The following COMT variants were observed in gnomAD, a reference collection of about 807,000 sequenced individuals.
COMT encodes catechol O-methyltransferase.
COMT carries 13 observed loss-of-function variants against 18.9 expected under a neutral mutation model. The observed-to-expected ratio is 0.69, with a 90% confidence interval of 0.45 to 1.09. The LOEUF is 1.09. Ranked by LOEUF, COMT falls within the 50% of genes least tolerant of loss-of-function variation. The probability of loss-of-function intolerance (pLI) is 0.00; values close to 1 mark genes in which losing one functional copy is unlikely to be tolerated. For missense variants in COMT, 329 were observed against 361.8 expected, an observed-to-expected ratio of 0.91 and a Z score of 0.73; for synonymous variants, 150 against 160.9, an observed-to-expected ratio of 0.93 and a Z score of 0.51.
intron 1 of COMT, among the ~76,000 whole-genome samples, chr22:19,942,568 G>A (rs188812064): frequency 6.6e-6 from 1 of 152,298 alleles, no homozygotes. Flanking sequence ...CCTGCTAACA[G>A]ACCTGCTTTT....
At position 19,968,670 on chromosome 22, in the gene COMT, C is replaced by T. The variant is rs749349777; in HGVS notation, c.750C>T (p.Tyr250=). The change falls in exon 6 of 6, where the codon TAC becomes TAT. Residue 250 remains tyrosine (Y), a synonymous_variant. Transcript: ENST00000361682. ...CACACTACCAATCGTTCCTGGAATA[C>T]AGGGAGGTGGTGGACGGCCTGGAGA... ...ECTHYQSFLE[Y]REVVDGLEKA... 8.7e-6 allele frequency: 14 copies of T among 1,613,986 alleles called. No individual in the cohort carries two copies. The highest frequency in any genetic ancestry group is 1.7e-5 in the Admixed American group (1 of 60,026).
intron 5 of COMT, 50 bp from the exon 6 acceptor site, chr22:19,968,486 C>G: frequency 6.4e-7 from 1 of 1,573,960 alleles, no homozygotes. Flanking sequence ...GGGGCAGGTT[C>G]TCTGGGCACC....
At chr22:19,956,658 A>G (rs560741879) in intron 1 of COMT, among the ~76,000 whole-genome samples, 18 of 151,758 alleles carry the variant, frequency 1.2e-4, no homozygotes, top group Non-Finnish European at 1.9e-4. Context: ...TTACAGGCGT[A>G]AGCCACCACA....
chr22:19,963,985 G>T, intron 4 of COMT, 183 bp from the exon 5 acceptor site: 1 of 1,291,144 alleles, frequency 7.7e-7, no homozygotes, highest in East Asian at 2.5e-5. Context: ...CACCAGGAGG[G>T]GCAGGGACAG....
Position 19,949,349 on chromosome 22 carries a change from C to T in COMT, c.-92+7452C>T, listed in dbSNP as rs73385665. On this transcript the variant is annotated intron_variant, in intron 1 of 5. Coordinates refer to ENST00000361682, the MANE Select transcript of COMT (RefSeq NM_000754.4). ...AGAAACAGGGTTTCATCATGTTTCC[C>T]AGGCTTGTCTCGAATTCCTGGGCCA... Among the ~76,000 whole-genome samples, 640 of 152,220 alleles carry T rather than the reference C, an allele frequency of 4.2e-3. 6 individuals carry two copies. Among genetic ancestry groups the T allele is most frequent in the African/African-American group, 0.015 (617 of 41,522 alleles).
chr22:19,968,490 G>A, intron 5 of COMT, 46 bp from the exon 6 acceptor site: 1 of 1,581,792 alleles, frequency 6.3e-7, no homozygotes, highest in South Asian at 1.1e-5. Flanking sequence ...CAGGTTCTCT[G>A]GGCACCTCTG....
At chr22:19,963,206 G>A (rs1190519983) in intron 3 of COMT, 4 of 488,594 alleles carry the variant, frequency 8.2e-6, no homozygotes, top group African/African-American at 7.7e-5. Context: ...CAGGGAACTA[G>A]TGCCGCCCCA....
chr22:19,964,072 CTG>C, intron 4 of COMT, 94 bp from the exon 5 acceptor site: 2 of 1,609,224 alleles, frequency 1.2e-6, no homozygotes, highest in Non-Finnish European at 1.7e-6. Context: ...GGCCTCCTGT[CTG>C]TGTGGGCGTG....
At chr22:19,967,679 T>C (rs760443572) in intron 5 of COMT, 10 of 296,850 alleles carry the variant, frequency 3.4e-5, no homozygotes, top group Non-Finnish European at 6.6e-5. Flanking sequence ...GATTTTATTA[T>C]ACTTTAGATG....
intron 1 of COMT, among the ~76,000 whole-genome samples, chr22:19,959,434 A>T (rs1942139958): frequency 6.6e-6 from 1 of 152,182 alleles, no homozygotes; most frequent in East Asian, 1.9e-4. Context: ...AGTCAATTGG[A>T]TGTGGTCCCG....
intron 5 of COMT, among the ~76,000 whole-genome samples, chr22:19,966,641 A>G (rs975908089): frequency 3.9e-5 from 6 of 151,996 alleles, no homozygotes; most frequent in African/African-American, 1.2e-4. Context: ...GGGTCTCCCT[A>G]TGTTGCCCAG....
At chr22:19,962,460 C>T in intron 2 of COMT, 67 bp from the exon 3 acceptor site, 1 of 1,547,562 alleles carries the variant, frequency 6.5e-7, no homozygotes, top group South Asian at 1.2e-5. Context: ...GCACTCCAAG[C>T]AAAGGGGCGT....
chr22:19,960,407 G>A (rs567185523), intron 1 of COMT, among the ~76,000 whole-genome samples: 7 of 152,226 alleles, frequency 4.6e-5, no homozygotes, highest in Non-Finnish European at 1.0e-4. Context: ...GGAGCAAGGT[G>A]GAAAGTTCTG....
rs548231559 is a variant in COMT, at chr22:19,963,433, C to T, written c.290-133C>T. ...CCCTCCAGCGGGTAGGGAGGGTGGGCAGAGGAGGGCCAGCGGCCAGGCATT... is the reference window on the plus strand; with the variant it reads ...CCCTCCAGCGGGTAGGGAGGGTGGGTAGAGGAGGGCCAGCGGCCAGGCATT... On this transcript the variant is annotated intron_variant, in intron 3 of 5. Coordinates refer to ENST00000361682, the MANE Select transcript of COMT (RefSeq NM_000754.4). 2.9e-6 allele frequency: 3 copies of T among 1,024,702 alleles called. No individual in the cohort carries two copies. In the South Asian group the frequency reaches 4.4e-5, roughly 15 times the overall value. The allele number at this position is 1,024,702 out of a possible 1,614,324, so 63.5% of individuals were successfully genotyped here. A position where few individuals can be genotyped will look rare whatever the true frequency, so the allele number is the denominator to read the frequency against.
chr22:19,956,372 T>C (rs13054814), intron 1 of COMT, among the ~76,000 whole-genome samples: 11,097 of 62,544 alleles, frequency 0.18, 669 homozygotes, highest in Non-Finnish European at 0.24. Context: ...TGAGCTCTCT[T>C]TTTTTTTTTT....
intron 5 of COMT, among the ~76,000 whole-genome samples, chr22:19,967,898 C>T (rs1045276465): frequency 6.6e-6 from 1 of 152,276 alleles, no homozygotes; most frequent in Non-Finnish European, 1.5e-5. Flanking sequence ...GTGGACCCCA[C>T]GGGCCATGCC....
intron 1 of COMT, among the ~76,000 whole-genome samples, chr22:19,952,958 AAATAAAT>A (rs1941979019): frequency 1.1e-3 from 1 of 948 alleles, no homozygotes; most frequent in Non-Finnish European, 2.3e-3. Flanking sequence ...CTCAAAAAAT[AAATAAAT>A]AAATAAATAA....
intron 1 of COMT, among the ~76,000 whole-genome samples, chr22:19,954,653 A>T (rs3819621): frequency 0.084 from 12,710 of 152,096 alleles, 731 homozygotes; most frequent in Non-Finnish European, 0.12. Context: ...GGGTTTCACC[A>T]TGTTGGTCAG....
intron 1 of COMT, among the ~76,000 whole-genome samples, chr22:19,950,302 C>T (rs2146134752): frequency 8.3e-6 from 1 of 119,840 alleles, no homozygotes; most frequent in East Asian, 2.8e-4. Context: ...CCAGGCTGGT[C>T]TTGAACTCCT....
Sources: allele counts gnomAD v4.1 joint callset (sites outside exome capture counted in the v4.1 genomes callset), GRCh38; gene constraint gnomAD v4.1.1; transcripts MANE v1.5; gene names NCBI Gene and HGNC (gene_info 2026-07-23, HGNC 2026-07-21).